ATF7: variants seen among roughly 807,000 people sequenced by gnomAD.
ATF7 encodes the protein activating transcription factor 7.
In ATF7, 10 loss-of-function variants were observed where a neutral mutation model predicts 50.4. The ratio of observed to expected loss-of-function variants is 0.20; its 90% CI spans 0.12 to 0.34. The LOEUF (loss-of-function observed/expected upper bound fraction) is 0.34. Among genes scored for constraint, ATF7 ranks in the 10% least tolerant of loss-of-function variants. ATF7 has a pLI of 1.00. For missense variants in ATF7, 465 were observed against 613.9 expected, an observed-to-expected ratio of 0.76 and a Z score of 2.56; for synonymous variants, 201 against 226.4, an observed-to-expected ratio of 0.89 and a Z score of 1.01.
rs1944151901 is a variant in ATF7, at chr12:53,512,307, AC to A, written c.*4829del. ...GGAAAAGGGAAAAGACAGTTTTGTA[AC>A]AAAAAACAAAATAGCCTGCAGCACT... On this transcript the variant is annotated 3_prime_UTR_variant, in exon 12 of 12. Transcript: ENST00000420353. The A allele has an allele frequency of 6.6e-6, 1 of 152,226 alleles. No individual in the cohort carries two copies. Among genetic ancestry groups the A allele is most frequent in the South Asian group, 2.1e-4 (1 of 4,834 alleles). The allele number at this position is 152,226 out of a possible 1,614,324, so 9.4% of individuals were successfully genotyped here.
At chr12:53,606,867 T>C (rs1943632217) in intron 1 of ATF7, among the ~76,000 whole-genome samples, 1 of 151,962 alleles carries the variant, frequency 6.6e-6, no homozygotes, top group South Asian at 2.1e-4. Context: ...TCCAGTTTCA[T>C]CCATGTCCCT....
chr12:53,523,968 T>C (rs1027927953), intron 10 of ATF7, among the ~76,000 whole-genome samples: 1 of 152,204 alleles, frequency 6.6e-6, no homozygotes, highest in Non-Finnish European at 1.5e-5. Flanking sequence ...TATGAATCTG[T>C]CTGGAAGGTA....
chr12:53,603,762 T>A (rs915401716), intron 1 of ATF7, among the ~76,000 whole-genome samples: 1 of 151,902 alleles, frequency 6.6e-6, no homozygotes, highest in Non-Finnish European at 1.5e-5. Flanking sequence ...TTTAAAAAAA[T>A]TTCTCCTTCA....
intron 3 of ATF7, among the ~76,000 whole-genome samples, chr12:53,549,591 T>C (rs1940194837): frequency 6.6e-6 from 1 of 151,738 alleles, no homozygotes; most frequent in Non-Finnish European, 1.5e-5. Context: ...TTTTTGTTTG[T>C]TTTTTTGAGA....
chr12:53,565,651 C>G (rs1414323208), intron 2 of ATF7, among the ~76,000 whole-genome samples: 1 of 151,878 alleles, frequency 6.6e-6, no homozygotes, highest in Non-Finnish European at 1.5e-5. Flanking sequence ...TGCTACCACA[C>G]CCGGATAATT....
Position 53,523,398 on chromosome 12 carries a change from GAAGAAAAGAGTATC to G in ATF7, c.1126-28_1126-15del, listed in dbSNP as rs772569120. ...TGTGACTTCATTCTGAGGAGGGAGGGAAGAAAAGAGTATCAAGAAAATTCATCCTCTACTCTTGC... is the reference window on the plus strand; with the variant it reads ...TGTGACTTCATTCTGAGGAGGGAGGGAAGAAAATTCATCCTCTACTCTTGC... On this transcript the variant is annotated splice_polypyrimidine_tract_variant and intron_variant, in intron 10 of 11. Transcript: ENST00000420353. 1 of 1,576,016 alleles carries G rather than the reference GAAGAAAAGAGTATC, an allele frequency of 6.3e-7. No individual in the cohort carries two copies. The highest frequency in any genetic ancestry group is 8.7e-7 in the Non-Finnish European group (1 of 1,145,698).
chr12:53,544,281 A>G (rs915706651), intron 3 of ATF7, among the ~76,000 whole-genome samples: 4 of 152,060 alleles, frequency 2.6e-5, no homozygotes, highest in African/African-American at 9.7e-5. Context: ...CTCCCTCCCA[A>G]TCCTGCTTTT....
chr12:53,527,565 C>G (rs1938552045), intron 9 of ATF7, among the ~76,000 whole-genome samples: 1 of 152,148 alleles, frequency 6.6e-6, no homozygotes, highest in Non-Finnish European at 1.5e-5. Flanking sequence ...CAGGTGGTCA[C>G]TTGAGGCCAT....
intron 2 of ATF7, among the ~76,000 whole-genome samples, chr12:53,587,678 A>G (rs1475083028): frequency 6.6e-6 from 1 of 150,676 alleles, no homozygotes; most frequent in Non-Finnish European, 1.5e-5. Context: ...GATCAAAAAA[A>G]AAAAAAGGAA....
At chr12:53,610,644 A>G (rs1451773388) in intron 1 of ATF7, among the ~76,000 whole-genome samples, 1 of 152,062 alleles carries the variant, frequency 6.6e-6, no homozygotes, top group Non-Finnish European at 1.5e-5. Context: ...CTTACAACTG[A>G]ATCATGTTTT....
At position 53,556,524 on chromosome 12, in the gene ATF7, G is replaced by A. The variant is rs183264518; in HGVS notation, c.49-3887C>T. ...CAGGTGCAGAATGGCTTGAACCCAG[G>A]AGGTGGAGGTTGCAGTGAGCCAAGA... On this transcript the variant is annotated intron_variant, in intron 2 of 11. Coordinates refer to ENST00000420353, the MANE Select transcript of ATF7 (RefSeq NM_006856.3). Among the ~76,000 whole-genome samples, 530 of 152,286 alleles carry A rather than the reference G, an allele frequency of 3.5e-3. 4 individuals carry two copies. Among genetic ancestry groups the A allele is most frequent in the Middle Eastern group, 0.014 (4 of 294 alleles).
chr12:53,551,946 GGCATATACAA>G (rs1478621664), intron 3 of ATF7, among the ~76,000 whole-genome samples: 1 of 152,206 alleles, frequency 6.6e-6, no homozygotes, highest in Non-Finnish European at 1.5e-5. Flanking sequence ...CCTTGAGAAT[GGCATATACAA>G]GCAAGACAGT....
chr12:53,600,389 G>A (rs946792283), intron 2 of ATF7, among the ~76,000 whole-genome samples: 12 of 150,972 alleles, frequency 7.9e-5, no homozygotes, highest in African/African-American at 2.2e-4. Context: ...CACCCAGGCT[G>A]GAGTGCAGTC....
In ATF7 at chr12:53,524,783, A is replaced by G. The variant is rs1211851025; in HGVS notation, c.928-22T>C. The G allele has an allele frequency of 6.4e-7, 1 of 1,557,230 alleles. No homozygotes were observed. The highest frequency in any genetic ancestry group is 1.2e-5 in the South Asian group (1 of 86,124). On this transcript the variant is annotated intron_variant, in intron 9 of 11. Transcript: ENST00000420353. This position sits in a 1 kb window ranked among gnomAD's most constrained non-coding sequence, Gnocchi z 4.6. Reference sequence around the variant, plus strand: ...AGACCTGGTGCCCAGGAAGGAAGAGAGGTTACTTGATGGGAACATTAATCC... The same window carrying G: ...AGACCTGGTGCCCAGGAAGGAAGAGGGGTTACTTGATGGGAACATTAATCC...
At chr12:53,570,736 CGTGTGT>C (rs57842916) in intron 2 of ATF7, among the ~76,000 whole-genome samples, 23,941 of 143,500 alleles carry the variant, frequency 0.17, 1,932 homozygotes, top group Admixed American at 0.2. Context: ...CTCCTGTGTG[CGTGTGT>C]GTGTGTGTGT....
chr12:53,585,449 A>T (rs1450142004), intron 2 of ATF7, among the ~76,000 whole-genome samples: 1 of 152,138 alleles, frequency 6.6e-6, no homozygotes, highest in Non-Finnish European at 1.5e-5. Context: ...GACAGGAGGT[A>T]TATGAGAATC....
At chr12:53,542,107 G>GTTTTCTTTTTT (rs1209912279) in intron 4 of ATF7, among the ~76,000 whole-genome samples, 18 of 101,462 alleles carry the variant, frequency 1.8e-4, no homozygotes, top group Admixed American at 1.3e-3. Flanking sequence ...CGCCTGGCCT[G>GTTTTCTTTTTT]TTTTTTTTTT....
At chr12:53,532,381 C>T in intron 8 of ATF7, 129 bp downstream of exon 8, 1 of 690,990 alleles carries the variant, frequency 1.4e-6, no homozygotes, top group Non-Finnish European at 2.4e-6. Flanking sequence ...TTCCAGACCC[C>T]ACAGCAGGGA....
At chr12:53,586,515 A>C (rs1448491674) in intron 2 of ATF7, among the ~76,000 whole-genome samples, 1 of 152,218 alleles carries the variant, frequency 6.6e-6, no homozygotes, top group East Asian at 1.9e-4. Flanking sequence ...GAGATCTTTA[A>C]AACTATCTGA....
Sources: gnomAD v4.1 joint callset for allele counts (sites outside exome capture counted in the v4.1 genomes callset) on GRCh38, gnomAD v4.1.1 for gene constraint, Gnocchi (gnomAD v3.1) non-coding constraint, MANE v1.5 for transcripts, NCBI Gene and HGNC (gene_info 2026-07-23, HGNC 2026-07-21) for gene names.